The following PTK2 variants were observed in gnomAD, a reference collection of about 807,000 sequenced individuals.
The protein encoded by PTK2 is protein tyrosine kinase 2.
In PTK2, 45 loss-of-function variants were observed where a neutral mutation model predicts 150.1. That is an observed-to-expected ratio of 0.30 (90% CI 0.24 to 0.38). PTK2 has a LOEUF of 0.38. Ranked by LOEUF, PTK2 falls within the 10% of genes least tolerant of loss-of-function variation. PTK2 has a pLI of 1.00. For missense variants in PTK2, 919 were observed against 1,307.3 expected, an observed-to-expected ratio of 0.70 and a Z score of 4.58; for synonymous variants, 432 against 449.2, an observed-to-expected ratio of 0.96 and a Z score of 0.48.
intron 17 of PTK2, chr8:140,750,329 G>A (rs2100061936): frequency 6.6e-6 from 1 of 152,198 alleles, no homozygotes; most frequent in Non-Finnish European, 1.5e-5. Flanking sequence ...GTGTTCTCTA[G>A]GTGTCAAGTA....
At chr8:140,753,299 A>G (rs1285620413) in intron 16 of PTK2, among the ~76,000 whole-genome samples, 7 of 152,210 alleles carry the variant, frequency 4.6e-5, no homozygotes, top group Admixed American at 4.6e-4. Context: ...GAGAGAGTCA[A>G]GTTCAGGTTT....
chr8:140,697,790 CATTTTAGATAATAT>C (rs2100027641), intron 26 of PTK2, among the ~76,000 whole-genome samples: 1 of 145,140 alleles, frequency 6.9e-6, no homozygotes, highest in Non-Finnish European at 1.5e-5. Flanking sequence ...GGAGATTAGA[CATTTTAGATAATAT>C]ATTGTAGGAA....
At chr8:140,978,198 G>A (rs1436793834) in intron 1 of PTK2, among the ~76,000 whole-genome samples, 3 of 152,154 alleles carry the variant, frequency 2.0e-5, no homozygotes, top group Admixed American at 6.6e-5. Context: ...CATAGGCATG[G>A]GCAAGGACTT....
In PTK2 at chr8:140,860,170, A is replaced by C. The variant is rs372289171; in HGVS notation, c.450+4142T>G. ...CCTCCCTGTTAATGAGGGATACATA[A>C]ATTTGAAACTCAGTACAACTAACCT... On this transcript the variant is annotated intron_variant, in intron 5 of 31. Transcript: ENST00000522684. Among the ~76,000 whole-genome samples, 12 of 152,302 alleles carry C rather than the reference A, an allele frequency of 7.9e-5. No individual in the cohort carries two copies. The East Asian group carries it at 2.3e-3, about 29-fold the overall frequency.
intron 2 of PTK2, among the ~76,000 whole-genome samples, chr8:140,895,673 T>A (rs2100155891): frequency 6.6e-6 from 1 of 152,128 alleles, no homozygotes. Flanking sequence ...CAACTAGGCA[T>A]TATGGTCAAT....
chr8:140,862,702 T>C (rs1160524151), intron 5 of PTK2, among the ~76,000 whole-genome samples: 6 of 152,146 alleles, frequency 3.9e-5, no homozygotes, highest in Admixed American at 2.6e-4. Flanking sequence ...AGCAGTGGCA[T>C]AAGATTTTCA....
At chr8:140,918,768 C>T (rs1486493271) in intron 2 of PTK2, among the ~76,000 whole-genome samples, 1 of 152,158 alleles carries the variant, frequency 6.6e-6, no homozygotes. Flanking sequence ...GTTAATGTGA[C>T]TGATAAAATC....
At chr8:140,992,312 A>G (rs897494449) in intron 1 of PTK2, among the ~76,000 whole-genome samples, 23 of 150,432 alleles carry the variant, frequency 1.5e-4, no homozygotes, top group East Asian at 5.8e-4. Flanking sequence ...AAAAAAAAAA[A>G]TACAAAAATT....
chr8:140,757,133 G>A (rs191835277), intron 16 of PTK2, among the ~76,000 whole-genome samples: 147 of 152,268 alleles, frequency 9.7e-4, no homozygotes, highest in African/African-American at 3.4e-3. Flanking sequence ...TTTAAGTCAT[G>A]GTACTCTGGG....
intron 1 of PTK2, among the ~76,000 whole-genome samples, chr8:140,928,323 A>G (rs567124464): frequency 6.6e-6 from 1 of 152,320 alleles, no homozygotes; most frequent in South Asian, 2.1e-4. Flanking sequence ...TGGCAAGGAT[A>G]TGAAGAAATC....
At chr8:140,669,040 C>T (rs1472918140) in intron 29 of PTK2, 1 of 152,656 alleles carries the variant, frequency 6.6e-6, no homozygotes, top group Non-Finnish European at 1.5e-5. Flanking sequence ...ACCCCGGTTT[C>T]AGCCAGCTCT....
In PTK2 at chr8:140,769,620, AG is replaced by A. The variant is rs778007464; in HGVS notation, c.1178-5331del. 3.7e-6 allele frequency: 5 copies of A among 1,348,990 alleles called. No individual in the cohort carries two copies. The South Asian group carries it at 4.6e-5, about 12-fold the overall frequency. 83.6% of individuals were successfully genotyped at this position (1,348,990 alleles called of 1,614,324 possible). ...GCAGATCCGGGTGGCATGCAAAGAAAGGGAAGTAGGGAACAGAGGGAGGGAG... is the reference window on the plus strand; with the variant it reads ...GCAGATCCGGGTGGCATGCAAAGAAAGGAAGTAGGGAACAGAGGGAGGGAG... On this transcript the variant is annotated intron_variant, in intron 14 of 31. Coordinates refer to ENST00000522684, the Ensembl canonical transcript of PTK2.
intron 22 of PTK2, 61 bp downstream of exon 25, chr8:140,735,190 A>G: frequency 6.7e-7 from 1 of 1,481,868 alleles, no homozygotes; most frequent in South Asian, 1.2e-5. Flanking sequence ...CTATTACTGC[A>G]AGGAGGAGAA....
At chr8:140,924,311 C>T (rs2100168643) in intron 2 of PTK2, among the ~76,000 whole-genome samples, 1 of 152,182 alleles carries the variant, frequency 6.6e-6, no homozygotes, top group Non-Finnish European at 1.5e-5. Flanking sequence ...CATGGCCCAT[C>T]TGCTCTCCCT....
At chr8:140,946,711 A>G (rs1390764897) in intron 1 of PTK2, among the ~76,000 whole-genome samples, 1 of 152,102 alleles carries the variant, frequency 6.6e-6, no homozygotes, top group African/African-American at 2.4e-5. Flanking sequence ...ATACTATGGC[A>G]TTACTTTTTT....
chr8:140,753,110 T>G (rs2100063748), intron 16 of PTK2, among the ~76,000 whole-genome samples: 1 of 152,198 alleles, frequency 6.6e-6, no homozygotes, highest in African/African-American at 2.4e-5. Context: ...GAGAAATGGC[T>G]GCAGAGAGGC....
chr8:140,886,251 T>A (rs2100152246), intron 3 of PTK2, among the ~76,000 whole-genome samples: 1 of 152,078 alleles, frequency 6.6e-6, no homozygotes, highest in Non-Finnish European at 1.5e-5. Flanking sequence ...GCAAGAAGTG[T>A]AAAGACAGAG....
At chr8:140,743,407 C>A in intron 19 of PTK2, 77 bp from the exon 23 acceptor site, 1 of 1,094,060 alleles carries the variant, frequency 9.1e-7, no homozygotes, top group Non-Finnish European at 1.4e-6. Context: ...AAAGACATAC[C>A]AATAGGCACT....
intron 1 of PTK2, among the ~76,000 whole-genome samples, chr8:140,927,814 G>C (rs1034829883): frequency 6.6e-6 from 1 of 150,838 alleles, no homozygotes; most frequent in African/African-American, 2.4e-5. Flanking sequence ...AATTGGCCGC[G>C]CGTGGTGGCA....
Sources: gnomAD v4.1 joint callset for allele counts (sites outside exome capture counted in the v4.1 genomes callset) on GRCh38, gnomAD v4.1.1 for gene constraint, MANE v1.5 for transcripts, NCBI Gene and HGNC (gene_info 2026-07-23, HGNC 2026-07-21) for gene names.